Variants in SEMA3A observed in about 807,000 individuals in gnomAD.
SEMA3A encodes the protein semaphorin 3A.
SEMA3A carries 29 observed loss-of-function variants against 97.9 expected under a neutral mutation model. The observed-to-expected ratio is 0.30, with a 90% CI of 0.22 to 0.40. The LOEUF (loss-of-function observed/expected upper bound fraction) is 0.40, where lower values mean the gene tolerates loss of function less well. Ranked by LOEUF, SEMA3A falls within the 10% of genes least tolerant of loss-of-function variation. The pLI is 1.00. For synonymous variants in SEMA3A, 321 were observed against 323.7 expected, an observed-to-expected ratio of 0.99 and a Z score of 0.09; for missense variants, 763 against 951.3, an observed-to-expected ratio of 0.80 and a Z score of 2.60.
chr7:84,328,258 T>G (rs1801815526), intron 2 of SEMA3A, among the ~76,000 whole-genome samples: 1 of 152,002 alleles, frequency 6.6e-6, no homozygotes, highest in African/African-American at 2.4e-5. Flanking sequence ...ACCATTTTAG[T>G]GTTCTCATCT....
At chr7:84,345,407 G>T (rs1802274090) in intron 2 of SEMA3A, among the ~76,000 whole-genome samples, 1 of 152,072 alleles carries the variant, frequency 6.6e-6, no homozygotes. Flanking sequence ...AATAAAATTT[G>T]CCACACTGAT....
At chr7:84,333,152 A>C (rs1801946340) in intron 2 of SEMA3A, among the ~76,000 whole-genome samples, 1 of 152,130 alleles carries the variant, frequency 6.6e-6, no homozygotes, top group Non-Finnish European at 1.5e-5. Context: ...TTTTGTGTCA[A>C]ATTAGAAATA....
chr7:84,299,474 T>C (rs1265183688), intron 3 of SEMA3A, among the ~76,000 whole-genome samples: 1 of 151,100 alleles, frequency 6.6e-6, no homozygotes, highest in Non-Finnish European at 1.5e-5. Context: ...CACTTATTGG[T>C]CAATATAAAC....
At chr7:83,964,447 A>T (rs1318959767) in intron 15 of SEMA3A, among the ~76,000 whole-genome samples, 1 of 152,210 alleles carries the variant, frequency 6.6e-6, no homozygotes, top group Non-Finnish European at 1.5e-5. Flanking sequence ...TACTCTTGTC[A>T]TAATCAACTG....
intron 1 of SEMA3A, among the ~76,000 whole-genome samples, chr7:84,442,438 C>G (rs1055160426): frequency 3.3e-5 from 5 of 151,780 alleles, no homozygotes; most frequent in African/African-American, 1.2e-4. Flanking sequence ...AGATGATTCC[C>G]ATTATAACAA....
chr7:84,096,855 T>G (rs1277087393), intron 4 of SEMA3A, among the ~76,000 whole-genome samples: 2 of 145,420 alleles, frequency 1.4e-5, no homozygotes, highest in Non-Finnish European at 3.1e-5. Flanking sequence ...TTTCCCATTC[T>G]GTTAGATAAA....
intron 6 of SEMA3A, among the ~76,000 whole-genome samples, chr7:84,023,736 C>T (rs1183689381): frequency 6.6e-6 from 1 of 152,136 alleles, no homozygotes; most frequent in Non-Finnish European, 1.5e-5. Context: ...TAGTGCCGGG[C>T]GCTATGGCTC....
intron 4 of SEMA3A, among the ~76,000 whole-genome samples, chr7:84,081,840 CAT>C (rs1794174949): frequency 6.6e-6 from 1 of 151,820 alleles, no homozygotes; most frequent in East Asian, 1.9e-4. Flanking sequence ...CATAAATATG[CAT>C]ATGACTTAAT....
intron 1 of SEMA3A, among the ~76,000 whole-genome samples, chr7:84,445,067 C>T (rs1214273607): frequency 6.6e-6 from 1 of 152,010 alleles, no homozygotes; most frequent in African/African-American, 2.4e-5. Context: ...TTTGACATAA[C>T]AAATTAATAT....
intron 6 of SEMA3A, among the ~76,000 whole-genome samples, chr7:84,031,507 C>A (rs1458082027): frequency 6.6e-6 from 1 of 152,000 alleles, no homozygotes; most frequent in Admixed American, 6.6e-5. Flanking sequence ...AAAACAAAAG[C>A]AAATACGTAA....
At chr7:84,105,045 G>T (rs1343677416) in intron 4 of SEMA3A, among the ~76,000 whole-genome samples, 1 of 152,084 alleles carries the variant, frequency 6.6e-6, no homozygotes, top group African/African-American at 2.4e-5. Context: ...GAACAGCTGA[G>T]TTGCCAATGA....
intron 1 of SEMA3A, among the ~76,000 whole-genome samples, chr7:84,478,491 A>G (rs1277169922): frequency 6.6e-6 from 1 of 152,194 alleles, no homozygotes; most frequent in Non-Finnish European, 1.5e-5. Flanking sequence ...AAACCATGAT[A>G]TAAAAAATAC....
chr7:84,203,185 T>C (rs1179145824), intron 3 of SEMA3A, among the ~76,000 whole-genome samples: 1 of 152,036 alleles, frequency 6.6e-6, no homozygotes, highest in Admixed American at 6.6e-5. Flanking sequence ...CCTTGCATAA[T>C]ACATCACAAT....
intron 15 of SEMA3A, among the ~76,000 whole-genome samples, chr7:83,970,061 T>G (rs1478017405): frequency 6.6e-6 from 1 of 152,162 alleles, no homozygotes; most frequent in East Asian, 1.9e-4. Flanking sequence ...GCATAATGAT[T>G]CCCCACGGGT....
chr7:84,379,445 A>T (rs193266537), intron 1 of SEMA3A, among the ~76,000 whole-genome samples: 1 of 152,194 alleles, frequency 6.6e-6, no homozygotes, highest in Admixed American at 6.5e-5. Context: ...AACGTTTCTC[A>T]GACTGAATTG....
At chr7:84,459,048 TATC>T (rs1440397338) in intron 1 of SEMA3A, among the ~76,000 whole-genome samples, 7 of 152,162 alleles carry the variant, frequency 4.6e-5, no homozygotes, top group Non-Finnish European at 7.4e-5. Context: ...GTGGCACTAA[TATC>T]ATCACCCTCC....
chr7:84,379,571 G>C (rs962384151), intron 1 of SEMA3A, among the ~76,000 whole-genome samples: 20 of 151,880 alleles, frequency 1.3e-4, no homozygotes, highest in African/African-American at 4.8e-4. Context: ...GAACATAATT[G>C]TATCTATTTA....
intron 4 of SEMA3A, among the ~76,000 whole-genome samples, chr7:84,083,547 T>G (rs1481764660): frequency 2.0e-5 from 3 of 152,006 alleles, no homozygotes; most frequent in African/African-American, 4.8e-5. Context: ...CACTAAATCT[T>G]CTTCCTTTTA....
chr7:84,056,929 G>A (rs1221231897), intron 5 of SEMA3A, among the ~76,000 whole-genome samples: 5 of 152,134 alleles, frequency 3.3e-5, no homozygotes, highest in Admixed American at 1.3e-4. Context: ...GAAAATAATA[G>A]TATGCTATTA....
Sources: allele counts gnomAD v4.1 joint callset (sites outside exome capture counted in the v4.1 genomes callset), GRCh38; gene constraint gnomAD v4.1.1; transcripts MANE v1.5; gene names NCBI Gene and HGNC (gene_info 2026-07-23, HGNC 2026-07-21).